Variants in RAPGEF5 observed in about 807,000 individuals in gnomAD.
RAPGEF5 encodes Rap guanine nucleotide exchange factor 5.
In RAPGEF5, 65 loss-of-function variants were observed where a neutral mutation model predicts 125.2. The ratio of observed to expected loss-of-function variants is 0.52; its 90% confidence interval spans 0.43 to 0.64. The LOEUF (loss-of-function observed/expected upper bound fraction) is 0.64. Ranked by LOEUF, RAPGEF5 falls within the 30% of genes least tolerant of loss-of-function variation. The pLI is 0.00. For synonymous variants in RAPGEF5, 391 were observed against 385.9 expected, an observed-to-expected ratio of 1.01 and a Z score of -0.16; for missense variants, 958 against 1,048.1, an observed-to-expected ratio of 0.91 and a Z score of 1.19.
At chr7:22,200,548 A>G (rs1785253201) in intron 9 of RAPGEF5, among the ~76,000 whole-genome samples, 1 of 152,190 alleles carries the variant, frequency 6.6e-6, no homozygotes, top group Admixed American at 6.5e-5. Flanking sequence ...AATAACTCTA[A>G]TGAAAGCCCA....
At position 22,184,037 on chromosome 7, in the gene RAPGEF5, A is replaced by G. The variant is rs146347039; in HGVS notation, c.1204+9330T>C. ...TTGGTTTGTTTCTGGCATGCTCTAGACTTCCACTTGAACTTTCCGTTTACA... is the reference window on the plus strand; with the variant it reads ...TTGGTTTGTTTCTGGCATGCTCTAGGCTTCCACTTGAACTTTCCGTTTACA... On this transcript the variant is annotated intron_variant, in intron 11 of 25. Transcript: ENST00000665637. 4.6e-5 allele frequency among the ~76,000 whole-genome samples: 7 copies of G among 152,252 alleles called. No individual in the cohort carries two copies. In the East Asian group the frequency reaches 1.4e-3, roughly 29 times the overall value.
At chr7:22,322,123 T>TTTTTTC (rs903029655) in intron 1 of RAPGEF5, among the ~76,000 whole-genome samples, 2 of 151,206 alleles carry the variant, frequency 1.3e-5, no homozygotes, top group African/African-American at 4.9e-5. Context: ...GTTTTTGGGG[T>TTTTTTC]TTTTTCTTTT....
rs1324973723 is a variant in RAPGEF5, at chr7:22,295,780, T to G, written c.681-4539A>C. ...TGAAAAATACTAAAAAAAAAAAAGT[T>G]TGTTTACCCACACGGTATTTCCTCC... On this transcript the variant is annotated intron_variant, in intron 5 of 25. Coordinates refer to ENST00000665637, the MANE Select transcript of RAPGEF5 (RefSeq NM_012294.5). 2.6e-5 allele frequency among the ~76,000 whole-genome samples: 4 copies of G among 152,072 alleles called. No homozygotes were observed. In the East Asian group the frequency reaches 7.7e-4, roughly 29 times the overall value.
chr7:22,349,080 C>T (rs1784280811), intron 1 of RAPGEF5, among the ~76,000 whole-genome samples: 1 of 141,642 alleles, frequency 7.1e-6, no homozygotes, highest in Admixed American at 7.3e-5. Flanking sequence ...AAGAGCAAGA[C>T]TCTGCCTAAA....
At chr7:22,342,530 C>G (rs1001353274) in intron 1 of RAPGEF5, among the ~76,000 whole-genome samples, 1 of 152,224 alleles carries the variant, frequency 6.6e-6, no homozygotes, top group African/African-American at 2.4e-5. Context: ...TCTTTTCTAT[C>G]ACATTGTCAG....
chr7:22,294,531 G>A (rs1783015050), intron 5 of RAPGEF5, among the ~76,000 whole-genome samples: 1 of 152,102 alleles, frequency 6.6e-6, no homozygotes, highest in Admixed American at 6.5e-5. Flanking sequence ...CATCAAACTG[G>A]ATGCATTATC....
intron 5 of RAPGEF5, among the ~76,000 whole-genome samples, chr7:22,299,290 T>G (rs1027438997): frequency 2.0e-5 from 3 of 152,184 alleles, no homozygotes; most frequent in African/African-American, 7.2e-5. Flanking sequence ...CATTCTATAC[T>G]AAATATTCCT....
At chr7:22,311,461 T>C (rs927974446) in intron 3 of RAPGEF5, among the ~76,000 whole-genome samples, 1 of 152,208 alleles carries the variant, frequency 6.6e-6, no homozygotes, top group Non-Finnish European at 1.5e-5. Context: ...TAGTTACAAA[T>C]ACCCTAGAAT....
At chr7:22,271,849 T>A (rs1314703496) in intron 6 of RAPGEF5, among the ~76,000 whole-genome samples, 1 of 152,236 alleles carries the variant, frequency 6.6e-6, no homozygotes, top group East Asian at 1.9e-4. Context: ...CATTCTGTCT[T>A]CTTTTTCCTC....
At chr7:22,125,876 G>A (rs1353094509) in intron 24 of RAPGEF5, among the ~76,000 whole-genome samples, 1 of 152,304 alleles carries the variant, frequency 6.6e-6, no homozygotes, top group East Asian at 1.9e-4. Context: ...GAATGGGTGA[G>A]GTGGCTCTCA....
intron 3 of RAPGEF5, among the ~76,000 whole-genome samples, chr7:22,312,574 C>A (rs979721427): frequency 6.6e-6 from 1 of 152,142 alleles, no homozygotes; most frequent in African/African-American, 2.4e-5. Context: ...TCCCCCAGAT[C>A]CCCCTTCTCA....
rs1448359519 is a variant in RAPGEF5, at chr7:22,255,328, T to C, written c.796+11636A>G. Reference sequence around the variant, plus strand: ...AGCTAGCTGGGCACCATGGCTCACATCTGTAATCCCAGCACTTTGAGAGGT... The same window carrying C: ...AGCTAGCTGGGCACCATGGCTCACACCTGTAATCCCAGCACTTTGAGAGGT... On this transcript the variant is annotated intron_variant, in intron 7 of 25. Coordinates refer to ENST00000665637, the MANE Select transcript of RAPGEF5 (RefSeq NM_012294.5). Among the ~76,000 whole-genome samples, 4 of 152,102 alleles carry C rather than the reference T, an allele frequency of 2.6e-5. No individual in the cohort carries two copies. The East Asian group carries it at 5.8e-4, about 22-fold the overall frequency.
chr7:22,294,058 G>A (rs1450817895), intron 5 of RAPGEF5, among the ~76,000 whole-genome samples: 1 of 152,194 alleles, frequency 6.6e-6, no homozygotes, highest in East Asian at 1.9e-4. Context: ...CAGAGGAAAA[G>A]CAAGTATAAC....
rs760825346 is a variant in RAPGEF5, at chr7:22,125,625, G to A, written c.2515C>T (p.His839Tyr). ...TCACCAAACTGGTTAGTCCTGCAGT[G>A]TCTCAGGGTTCGGACAGTGTCTGCG... The part of the protein sequence containing the change: ...MIADTVRTLR[H>Y]CRTNQFGDLS... Residue 839 changes from histidine to tyrosine, a missense_variant, in exon 25 of 26, where the codon CAC becomes TAC. Transcript: ENST00000665637. 3.7e-6 allele frequency: 6 copies of A among 1,612,298 alleles called. No individual in the cohort carries two copies. The highest frequency in any genetic ancestry group is 1.7e-4 in the Middle Eastern group (1 of 6,056).
At position 22,339,416 on chromosome 7, in the gene RAPGEF5, G is replaced by A. The variant is rs924048905; in HGVS notation, c.231+17414C>T. On this transcript the variant is annotated intron_variant, in intron 1 of 25. Coordinates refer to ENST00000665637, the MANE Select transcript of RAPGEF5 (RefSeq NM_012294.5). ...AAGACAGCTCCCCTGAAGAGCGTCC[G>A]GATGCAAAATGTTTTAGTAAGAAAG... is the stretch of plus-strand genomic sequence containing the variant. Among the ~76,000 whole-genome samples the A allele has an allele frequency of 4.6e-5, 7 of 152,112 alleles. No homozygotes were observed. The East Asian group carries it at 7.7e-4, about 17-fold the overall frequency.
chr7:22,251,905 G>T (rs1290968571), intron 7 of RAPGEF5, among the ~76,000 whole-genome samples: 1 of 151,766 alleles, frequency 6.6e-6, no homozygotes, highest in African/African-American at 2.4e-5. Context: ...TAAAATGTGG[G>T]TTTCAGATCT....
chr7:22,243,764 T>C (rs1489440563), intron 7 of RAPGEF5, among the ~76,000 whole-genome samples: 1 of 152,230 alleles, frequency 6.6e-6, no homozygotes, highest in South Asian at 2.1e-4. Flanking sequence ...TCCATACTTA[T>C]CATTTTTTTA....
At chr7:22,271,750 G>GT (rs1782432532) in intron 6 of RAPGEF5, among the ~76,000 whole-genome samples, 1 of 152,220 alleles carries the variant, frequency 6.6e-6, no homozygotes, top group South Asian at 2.1e-4. Flanking sequence ...ATGTTGAAAT[G>GT]TTTTGGCTTT....
chr7:22,333,661 G>C (rs2128158170), intron 1 of RAPGEF5, among the ~76,000 whole-genome samples: 1 of 152,348 alleles, frequency 6.6e-6, no homozygotes, highest in East Asian at 1.9e-4. Context: ...TCAAGGAATA[G>C]GCTGAGGCAC....
Sources: allele counts gnomAD v4.1 joint callset (sites outside exome capture counted in the v4.1 genomes callset), GRCh38; gene constraint gnomAD v4.1.1; transcripts MANE v1.5; gene names NCBI Gene and HGNC (gene_info 2026-07-23, HGNC 2026-07-21).